WASF2: variants seen among roughly 807,000 people sequenced by gnomAD.
WASF2 encodes the protein actin-binding protein WASF2.
WASF2 carries 14 observed loss-of-function variants against 45.0 expected under a neutral mutation model. The ratio of observed to expected loss-of-function variants is 0.31; its 90% CI spans 0.21 to 0.49. The LOEUF (loss-of-function observed/expected upper bound fraction) is 0.49. Ranked by LOEUF, WASF2 falls within the 20% of genes least tolerant of loss-of-function variation. The pLI is 0.99. For missense variants in WASF2, 439 were observed against 636.1 expected, an observed-to-expected ratio of 0.69 and a Z score of 3.33; for synonymous variants, 200 against 236.3, an observed-to-expected ratio of 0.85 and a Z score of 1.41.
At chr1:27,479,789 A>G (rs1337499550) in intron 1 of WASF2, among the ~76,000 whole-genome samples, 1 of 152,154 alleles carries the variant, frequency 6.6e-6, no homozygotes, top group Non-Finnish European at 1.5e-5. Context: ...CACTGGAACC[A>G]GGGAGGCAGA....
At chr1:27,446,993 C>T (rs1034438854) in intron 1 of WASF2, among the ~76,000 whole-genome samples, 1 of 151,754 alleles carries the variant, frequency 6.6e-6, no homozygotes, top group African/African-American at 2.4e-5. Context: ...TCTTGGTGAC[C>T]AATGGTAAAT....
intron 1 of WASF2, among the ~76,000 whole-genome samples, chr1:27,438,286 G>C (rs1489854764): frequency 6.6e-6 from 1 of 152,180 alleles, no homozygotes; most frequent in South Asian, 2.1e-4. Flanking sequence ...GCAGCACTGA[G>C]TACTGTACTA....
In WASF2 at chr1:27,453,204, CAAAAAAT is replaced by C. The variant is rs201639033; in HGVS notation, c.-43-24278_-43-24272del. ...TGAGTGACAGAATGGGACTCCATCT[CAAAAAAT>C]TAAAATAAAAATTTTAAAAATTAAA... On this transcript the variant is annotated intron_variant, in intron 1 of 8. Coordinates refer to ENST00000618852, the MANE Select transcript of WASF2 (RefSeq NM_006990.5). Among the ~76,000 whole-genome samples the C allele has an allele frequency of 1.8e-4, 27 of 151,488 alleles. No homozygotes were observed. In the East Asian group the frequency reaches 4.3e-3, roughly 24 times the overall value.
intron 1 of WASF2, among the ~76,000 whole-genome samples, chr1:27,439,206 T>C (rs1238438826): frequency 6.6e-6 from 1 of 152,232 alleles, no homozygotes; most frequent in African/African-American, 2.4e-5. Flanking sequence ...ATCATTATCA[T>C]GACCCCTTGT....
intron 2 of WASF2, among the ~76,000 whole-genome samples, chr1:27,428,214 G>A (rs2017013381): frequency 6.6e-6 from 1 of 152,136 alleles, no homozygotes; most frequent in Admixed American, 6.5e-5. Flanking sequence ...TGGACCTGGG[G>A]GCTTGCAGCA....
chr1:27,468,687 G>C (rs1047674488), intron 1 of WASF2, among the ~76,000 whole-genome samples: 4 of 144,946 alleles, frequency 2.8e-5, no homozygotes, highest in African/African-American at 7.7e-5. Context: ...GATTAAAAAA[G>C]ACGTAAAAGA....
At chr1:27,486,027 CTA>C (rs2017919121) in intron 1 of WASF2, among the ~76,000 whole-genome samples, 1 of 152,094 alleles carries the variant, frequency 6.6e-6, no homozygotes, top group Non-Finnish European at 1.5e-5. Flanking sequence ...TAAGTTTTAC[CTA>C]TAGAGATCTA....
At chr1:27,473,076 G>A (rs1419759358) in intron 1 of WASF2, among the ~76,000 whole-genome samples, 1 of 151,548 alleles carries the variant, frequency 6.6e-6, no homozygotes, top group Non-Finnish European at 1.5e-5. Flanking sequence ...GAAAATCTTT[G>A]TAAATAATTT....
At chr1:27,462,801 T>C (rs1384342290) in intron 1 of WASF2, among the ~76,000 whole-genome samples, 2 of 152,186 alleles carry the variant, frequency 1.3e-5, no homozygotes, top group African/African-American at 2.4e-5. Context: ...GTTGCTGATA[T>C]TCAGTGCAGG....
At chr1:27,420,321 G>A (rs906476145) in intron 2 of WASF2, among the ~76,000 whole-genome samples, 1 of 151,982 alleles carries the variant, frequency 6.6e-6, no homozygotes, top group African/African-American at 2.4e-5. Context: ...ACATAGCAGT[G>A]GTCTCTTTCC....
chr1:27,435,780 C>T (rs758924070), intron 1 of WASF2, among the ~76,000 whole-genome samples: 1 of 152,218 alleles, frequency 6.6e-6, no homozygotes, highest in Non-Finnish European at 1.5e-5. Flanking sequence ...TAGATGACTG[C>T]TCATTCTTCT....
intron 1 of WASF2, among the ~76,000 whole-genome samples, chr1:27,448,675 A>C (rs2017341629): frequency 6.6e-6 from 1 of 151,918 alleles, no homozygotes; most frequent in African/African-American, 2.4e-5. Flanking sequence ...ACATGGTGAA[A>C]TCCCATCTTT....
At chr1:27,443,090 GGA>G in intron 1 of WASF2, among the ~76,000 whole-genome samples, 1 of 151,534 alleles carries the variant, frequency 6.6e-6, no homozygotes, top group Non-Finnish European at 1.5e-5. Context: ...CCTGAGCCCA[GGA>G]AGTCGAGCCT....
chr1:27,488,741 C>T (rs1426772916), intron 1 of WASF2, among the ~76,000 whole-genome samples: 4 of 152,148 alleles, frequency 2.6e-5, no homozygotes, highest in Non-Finnish European at 4.4e-5. Flanking sequence ...CAGACCTCTG[C>T]CCCCATTTGT....
intron 2 of WASF2, among the ~76,000 whole-genome samples, chr1:27,423,480 C>T (rs1239133412): frequency 6.6e-6 from 1 of 152,068 alleles, no homozygotes; most frequent in Non-Finnish European, 1.5e-5. Context: ...CTGTGCCCAG[C>T]CTAAATACCC....
chr1:27,464,137 T>TG (rs2017585009), intron 1 of WASF2, among the ~76,000 whole-genome samples: 1 of 151,980 alleles, frequency 6.6e-6, no homozygotes, highest in Admixed American at 6.6e-5. Flanking sequence ...CCAAGCACTT[T>TG]GGGAGGCCGA....
intron 4 of WASF2, among the ~76,000 whole-genome samples, chr1:27,416,391 A>C (rs541381564): frequency 1.6e-4 from 25 of 152,248 alleles, no homozygotes; most frequent in African/African-American, 5.8e-4. Flanking sequence ...ATTACTTCTG[A>C]TGATCTGCAT....
chr1:27,418,262 C>G lies in WASF2; in HGVS notation c.419+7G>C. The stretch of plus-strand genomic sequence containing the variant: ...GTTGAAAAAGGGAGGAACTAGCCAG[C>G]CATTACCTGTAAGGGGTAAGATTGT... On this transcript the variant is annotated splice_region_variant and intron_variant, in intron 4 of 8. Transcript: ENST00000618852. 1 of 1,611,904 alleles carries G rather than the reference C, an allele frequency of 6.2e-7. No homozygotes were observed. The highest frequency in any genetic ancestry group is 8.5e-7 in the Non-Finnish European group (1 of 1,179,124).
At chr1:27,454,444 G>A (rs2017440278) in intron 1 of WASF2, among the ~76,000 whole-genome samples, 1 of 151,178 alleles carries the variant, frequency 6.6e-6, no homozygotes, top group Non-Finnish European at 1.5e-5. Flanking sequence ...CAAACTCCTG[G>A]GCTCAAGAGA....
Sources: gnomAD v4.1 joint callset for allele counts (sites outside exome capture counted in the v4.1 genomes callset) on GRCh38, gnomAD v4.1.1 for gene constraint, MANE v1.5 for transcripts, NCBI Gene and HGNC (gene_info 2026-07-23, HGNC 2026-07-21) for gene names.